The following PHACTR4 variants were observed in gnomAD, a reference collection of about 807,000 sequenced individuals.
PHACTR4 encodes the protein protein phosphatase 1, regulatory subunit 124.
In PHACTR4, 51 loss-of-function variants were observed where a neutral mutation model predicts 72.7. The ratio of observed to expected loss-of-function variants is 0.70; its 90% CI spans 0.56 to 0.89. The LOEUF is 0.89. Ranked by LOEUF, PHACTR4 falls within the 40% of genes least tolerant of loss-of-function variation. PHACTR4 has a pLI of 0.00. For synonymous variants in PHACTR4, 255 were observed against 302.5 expected, an observed-to-expected ratio of 0.84 and a Z score of 1.63; for missense variants, 731 against 861.8, an observed-to-expected ratio of 0.85 and a Z score of 1.90.
At chr1:28,453,010 T>C (rs1225391738) in intron 2 of PHACTR4, among the ~76,000 whole-genome samples, 1 of 151,820 alleles carries the variant, frequency 6.6e-6, no homozygotes, top group East Asian at 1.9e-4. Context: ...TCCCGGCTAC[T>C]TGGGAGGCTG....
intron 2 of PHACTR4, among the ~76,000 whole-genome samples, chr1:28,420,600 C>A (rs1655448777): frequency 1.3e-5 from 2 of 152,154 alleles, no homozygotes. Flanking sequence ...GATTGTGCCA[C>A]TGCACTCCAG....
At chr1:28,488,324 C>T (rs977112715) in intron 9 of PHACTR4, among the ~76,000 whole-genome samples, 2 of 151,490 alleles carry the variant, frequency 1.3e-5, no homozygotes, top group Non-Finnish European at 1.5e-5. Flanking sequence ...GGTGAAACCC[C>T]GTCTCTACTA....
intron 2 of PHACTR4, among the ~76,000 whole-genome samples, chr1:28,416,150 G>A (rs1008930395): frequency 6.6e-6 from 1 of 152,104 alleles, no homozygotes; most frequent in Non-Finnish European, 1.5e-5. Flanking sequence ...TTAGTTTTGA[G>A]GTCCTCAGGG....
chr1:28,380,686 A>G (rs745317974), intron 1 of PHACTR4, among the ~76,000 whole-genome samples: 32 of 152,144 alleles, frequency 2.1e-4, no homozygotes, highest in Non-Finnish European at 1.0e-4. Flanking sequence ...GTTGTTTTTT[A>G]TGGTGGCATA....
chr1:28,443,502 C>T (rs1046497928), intron 2 of PHACTR4, among the ~76,000 whole-genome samples: 1 of 151,762 alleles, frequency 6.6e-6, no homozygotes, highest in Admixed American at 6.6e-5. Context: ...GGCTGGAGTA[C>T]AGTGACACAA....
intron 2 of PHACTR4, among the ~76,000 whole-genome samples, chr1:28,450,288 C>CTT (rs774519813): frequency 9.3e-5 from 13 of 139,988 alleles, no homozygotes; most frequent in East Asian, 2.1e-4. Context: ...GGAAAACTAC[C>CTT]TTTTTTTTTT....
At chr1:28,396,627 A>G (rs1653521949) in intron 1 of PHACTR4, among the ~76,000 whole-genome samples, 1 of 150,266 alleles carries the variant, frequency 6.7e-6, no homozygotes. Flanking sequence ...AAGAATAGAT[A>G]CCTTATTACT....
intron 8 of PHACTR4, 138 bp from the exon 9 acceptor site, chr1:28,480,313 C>G: frequency 1.0e-6 from 1 of 962,774 alleles, no homozygotes; most frequent in Non-Finnish European, 1.5e-6. Flanking sequence ...CCTCAGTGTT[C>G]AGCTGGATCA....
At chr1:28,438,421 G>C in intron 2 of PHACTR4, 1 of 1,613,220 alleles carries the variant, frequency 6.2e-7, no homozygotes, top group Non-Finnish European at 8.5e-7. Context: ...GGTAAATCCA[G>C]ATGCAGTTGG....
chr1:28,440,464 C>T (rs1413255080), intron 2 of PHACTR4, among the ~76,000 whole-genome samples: 2 of 112,600 alleles, frequency 1.8e-5, no homozygotes, highest in East Asian at 2.5e-4. Context: ...GGCTTGATCT[C>T]GGCTCACTGA....
chr1:28,407,248 C>CAAA (rs78873359), intron 1 of PHACTR4, among the ~76,000 whole-genome samples, 162 bp from the exon 2 acceptor site: 1 of 76,474 alleles, frequency 1.3e-5, no homozygotes. Flanking sequence ...GATCCTGTCT[C>CAAA]AAAAAAAAAA....
chr1:28,476,041 T>G, intron 7 of PHACTR4, 66 bp from the exon 8 acceptor site: 1 of 1,468,436 alleles, frequency 6.8e-7, no homozygotes, highest in Non-Finnish European at 9.1e-7. Flanking sequence ...ATTTCAGTCC[T>G]TTGTCTTAAA....
chr1:28,479,174 A>G (rs1261363761), intron 8 of PHACTR4, among the ~76,000 whole-genome samples: 2 of 151,930 alleles, frequency 1.3e-5, no homozygotes, highest in African/African-American at 4.8e-5. Flanking sequence ...TAATCCCAAC[A>G]CTTTGGGAGG....
Position 28,496,831 on chromosome 1 carries a change from A to T in PHACTR4, c.*282A>T, listed in dbSNP as rs1195037150. ...GCCACCAAAGTTCTGAACCACTTGC[A>T]GGTTCCAGGTTTTACTGGCTGCACC... On this transcript the variant is annotated 3_prime_UTR_variant, in exon 14 of 14. Transcript: ENST00000373839. 5.8e-6 allele frequency: 3 copies of T among 518,846 alleles called. No homozygotes were observed. Among genetic ancestry groups the T allele is most frequent in the Non-Finnish European group, 1.0e-5 (3 of 288,080 alleles). The allele number at this position is 518,846 out of a possible 1,614,324, so 32.1% of individuals were successfully genotyped here. A position where few individuals can be genotyped will look rare whatever the true frequency, so the allele number is the denominator to read the frequency against.
chr1:28,377,404 A>G (rs911907501), intron 1 of PHACTR4, among the ~76,000 whole-genome samples: 5 of 147,184 alleles, frequency 3.4e-5, no homozygotes, highest in Admixed American at 2.0e-4. Context: ...ATGCCCTGCT[A>G]ATTTTTTTTT....
intron 1 of PHACTR4, among the ~76,000 whole-genome samples, chr1:28,385,945 C>T (rs1479512132): frequency 2.0e-5 from 3 of 151,958 alleles, no homozygotes; most frequent in Non-Finnish European, 2.9e-5. Flanking sequence ...GTCTTAATTT[C>T]TAGTTTGATT....
intron 2 of PHACTR4, among the ~76,000 whole-genome samples, chr1:28,421,089 G>A (rs944452174): frequency 6.6e-6 from 1 of 152,104 alleles, no homozygotes; most frequent in Non-Finnish European, 1.5e-5. Flanking sequence ...GTTCTACAAT[G>A]TGTTTATTAC....
chr1:28,484,176 C>T (rs1660473520), intron 9 of PHACTR4, among the ~76,000 whole-genome samples: 1 of 152,026 alleles, frequency 6.6e-6, no homozygotes, highest in African/African-American at 2.4e-5. Flanking sequence ...CAAAAATTAG[C>T]CAGGCGTGGT....
chr1:28,410,832 G>A (rs1457910917), intron 2 of PHACTR4, among the ~76,000 whole-genome samples: 163 of 150,452 alleles, frequency 1.1e-3, no homozygotes, highest in African/African-American at 3.8e-3. Context: ...TCAGCCTCCT[G>A]AGTAGCTGGG....
Sources: allele counts gnomAD v4.1 joint callset (sites outside exome capture counted in the v4.1 genomes callset), GRCh38; gene constraint gnomAD v4.1.1; transcripts MANE v1.5; gene names NCBI Gene and HGNC (gene_info 2026-07-23, HGNC 2026-07-21).